Variants in TTC39B observed in about 807,000 individuals in gnomAD.
TTC39B encodes tetratricopeptide repeat domain 39B.
In TTC39B, 92 loss-of-function variants were observed where a neutral mutation model predicts 96.6. The observed-to-expected ratio is 0.95, with a 90% CI of 0.80 to 1.13. TTC39B has a LOEUF of 1.13. Among genes scored for constraint, TTC39B ranks in the 50% most tolerant of loss-of-function variants. TTC39B has a pLI of 0.00. For synonymous variants in TTC39B, 367 were observed against 299.4 expected, an observed-to-expected ratio of 1.23 and a Z score of -2.33; for missense variants, 955 against 809.3, an observed-to-expected ratio of 1.18 and a Z score of -2.18.
intron 3 of TTC39B, among the ~76,000 whole-genome samples, chr9:15,214,793 CTA>C (rs149916839): frequency 0.014 from 2,079 of 152,178 alleles, 42 homozygotes; most frequent in African/African-American, 0.047. Flanking sequence ...ATTTTTGTAT[CTA>C]TATGAGTCAT....
intron 16 of TTC39B, 58 bp from the exon 17 acceptor site, chr9:15,182,473 T>A: frequency 8.5e-7 from 1 of 1,178,458 alleles, no homozygotes; most frequent in Non-Finnish European, 1.2e-6. Context: ...ATGTCCTTTA[T>A]GATCCCCAAA....
At chr9:15,211,862 G>A (rs534571062) in intron 4 of TTC39B, among the ~76,000 whole-genome samples, 2 of 152,300 alleles carry the variant, frequency 1.3e-5, no homozygotes, top group South Asian at 4.1e-4. Flanking sequence ...CAAGATTTTG[G>A]AATAAGTTAG....
chr9:15,252,787 C>G (rs1039618979), intron 2 of TTC39B, among the ~76,000 whole-genome samples: 3 of 152,150 alleles, frequency 2.0e-5, no homozygotes, highest in African/African-American at 4.8e-5. Context: ...GTAGGGGGAA[C>G]TAGGTATAAG....
chr9:15,166,097 C>G (rs1037915838), exon 20 of TTC39B: 3 of 151,976 alleles, frequency 2.0e-5, no homozygotes, highest in Admixed American at 2.0e-4. Flanking sequence ...TGCCAGCACC[C>G]CTTAAATTTG....
chr9:15,301,031 T>C (rs945188555), intron 1 of TTC39B, among the ~76,000 whole-genome samples: 3 of 151,698 alleles, frequency 2.0e-5, no homozygotes, highest in Non-Finnish European at 4.4e-5. Context: ...CTTGACACTC[T>C]CCTTCCCACT....
At chr9:15,259,863 A>G (rs1373261905) in intron 2 of TTC39B, among the ~76,000 whole-genome samples, 1 of 152,198 alleles carries the variant, frequency 6.6e-6, no homozygotes, top group Non-Finnish European at 1.5e-5. Context: ...TATATAAAAT[A>G]TCTACAAAAA....
Position 15,207,172 on chromosome 9 carries a change from A to G in TTC39B, c.691+2916T>C, listed in dbSNP as rs1397865822. 2.6e-5 allele frequency among the ~76,000 whole-genome samples: 4 copies of G among 152,320 alleles called. No homozygotes were observed. In the East Asian group the frequency reaches 5.8e-4, roughly 22 times the overall value. On this transcript the variant is annotated intron_variant, in intron 6 of 19. Transcript: ENST00000512701. Reference sequence around the variant, plus strand: ...AACCTCTTTCCTTTATAAATTACCCAGTCCTGGGCAGTTCTTTAGAGTAGT... The same window carrying G: ...AACCTCTTTCCTTTATAAATTACCCGGTCCTGGGCAGTTCTTTAGAGTAGT...
chr9:15,248,602 T>TTGAATGAATGAATGAA lies in TTC39B; in HGVS notation c.275+19296_275+19311dup, dbSNP rs56177200. Reference sequence around the variant, plus strand: ...AGCTTCGTAACAGATGTAAACATTTTTGAATGAATGAATGAATGAATGAAT... The same window carrying TTGAATGAATGAATGAA: ...AGCTTCGTAACAGATGTAAACATTTTTGAATGAATGAATGAATGAATGAATGAATGAATGAATGAAT... On this transcript the variant is annotated intron_variant, in intron 2 of 19. Coordinates refer to ENST00000512701, the Ensembl canonical transcript of TTC39B. 1.8e-3 allele frequency among the ~76,000 whole-genome samples: 268 copies of TTGAATGAATGAATGAA among 151,364 alleles called. 3 individuals carry two copies. Among genetic ancestry groups the TTGAATGAATGAATGAA allele is most frequent in the Admixed American group, 0.013 (190 of 15,186 alleles).
chr9:15,221,672 G>C (rs554581564), intron 3 of TTC39B, among the ~76,000 whole-genome samples: 1 of 152,108 alleles, frequency 6.6e-6, no homozygotes, highest in African/African-American at 2.4e-5. Flanking sequence ...CCTGTGTGCC[G>C]CAGTGCTTCA....
chr9:15,252,935 T>C (rs1343731485), intron 2 of TTC39B, among the ~76,000 whole-genome samples: 12 of 152,206 alleles, frequency 7.9e-5, no homozygotes, highest in Non-Finnish European at 1.8e-4. Context: ...TCCATAAAAA[T>C]TCTGACAATG....
intron 2 of TTC39B, among the ~76,000 whole-genome samples, chr9:15,226,267 C>T (rs1821119952): frequency 6.6e-6 from 1 of 152,166 alleles, no homozygotes; most frequent in Non-Finnish European, 1.5e-5. Context: ...CACAGGTCTC[C>T]ACCCAAAGAT....
exon 6 of TTC39B, chr9:15,210,110 T>A (rs779310988): frequency 1.9e-6 from 3 of 1,607,582 alleles, no homozygotes; most frequent in Non-Finnish European, 2.5e-6. Context: ...GCTCCAGGGA[T>A]CCTCTAGAAA....
Position 15,306,644 on chromosome 9 carries a change from C to T in TTC39B, c.240+440G>A, listed in dbSNP as rs952587791. Among the ~76,000 whole-genome samples the T allele has an allele frequency of 3.3e-5, 5 of 152,212 alleles. No homozygotes were observed. Among genetic ancestry groups the T allele is most frequent in the Admixed American group, 3.3e-4 (5 of 15,286 alleles). ...TTCGGTTCTGCCACCAGGAAACTTC[C>T]ATAGAAGGTGAGATTCCCAGGTCGA... On this transcript the variant is annotated intron_variant, in intron 1 of 19. Transcript: ENST00000512701. The surrounding 1 kb of genome is among the most constrained non-coding windows in gnomAD (Gnocchi z 5.1).
At chr9:15,298,502 A>G (rs1824462802) in intron 1 of TTC39B, among the ~76,000 whole-genome samples, 2 of 152,194 alleles carry the variant, frequency 1.3e-5, no homozygotes, top group Admixed American at 6.5e-5. Context: ...CACATCTTAC[A>G]TGGCAGCAGG....
chr9:15,210,976 G>T (rs1204441730), intron 5 of TTC39B, among the ~76,000 whole-genome samples: 1 of 152,068 alleles, frequency 6.6e-6, no homozygotes, highest in Non-Finnish European at 1.5e-5. Flanking sequence ...GGCTTGGTTT[G>T]GCATGCAGTA....
chr9:15,176,760 C>G (rs969494035), intron 18 of TTC39B, among the ~76,000 whole-genome samples: 2 of 152,042 alleles, frequency 1.3e-5, no homozygotes, highest in Non-Finnish European at 2.9e-5. Context: ...GAGAAAACAC[C>G]CTGACCTATA....
At position 15,203,822 on chromosome 9, in the gene TTC39B, C is replaced by T; in HGVS notation, c.759+1G>A. ...CGAATTCCAAGCCAAATATTCATTA[C>T]CTGCACAAACGTGAGTGCAGCTTTC... On this transcript the variant is annotated splice_donor_variant, in intron 7 of 19. Transcript: ENST00000512701. LOFTEE classifies it high-confidence loss of function. 6.2e-7 allele frequency: 1 copy of T among 1,610,946 alleles called. No individual in the cohort carries two copies. The highest frequency in any genetic ancestry group is 8.5e-7 in the Non-Finnish European group (1 of 1,178,236).
At chr9:15,278,932 A>G (rs1586998452) in intron 1 of TTC39B, among the ~76,000 whole-genome samples, 1 of 152,318 alleles carries the variant, frequency 6.6e-6, no homozygotes, top group East Asian at 1.9e-4. Context: ...TAATCTTCAT[A>G]GTGACCCTAA....
At chr9:15,213,109 T>C (rs1820302951) in intron 4 of TTC39B, among the ~76,000 whole-genome samples, 1 of 151,656 alleles carries the variant, frequency 6.6e-6, no homozygotes, top group Admixed American at 6.6e-5. Context: ...GGCTCATCAA[T>C]AAAAGCATTT....
Sources: allele counts gnomAD v4.1 joint callset (sites outside exome capture counted in the v4.1 genomes callset), GRCh38; gene constraint gnomAD v4.1.1; non-coding constraint Gnocchi (gnomAD v3.1); transcripts MANE v1.5; gene names NCBI Gene and HGNC (gene_info 2026-07-23, HGNC 2026-07-21).